Variants in PNOC observed in about 807,000 individuals in gnomAD.
PNOC encodes prepronociceptin, also known as nociceptin.
In PNOC, 10 loss-of-function variants were observed where a neutral mutation model predicts 15.6. The observed-to-expected ratio is 0.64, with a 90% CI of 0.40 to 1.09. The LOEUF (loss-of-function observed/expected upper bound fraction) is 1.09, where lower values mean the gene tolerates loss of function less well. Ranked by LOEUF, PNOC falls within the 50% of genes least tolerant of loss-of-function variation. PNOC has a pLI of 0.01. For missense variants in PNOC, 220 were observed against 223.9 expected, an observed-to-expected ratio of 0.98 and a Z score of 0.11; for synonymous variants, 98 against 88.5, an observed-to-expected ratio of 1.11 and a Z score of -0.60.
At chr8:28,339,542 C>T in intron 3 of PNOC, 51 bp downstream of exon 3, 1 of 1,362,764 alleles carries the variant, frequency 7.3e-7, no homozygotes, top group South Asian at 1.8e-5. Flanking sequence ...CACACACCAA[C>T]TGTCTTAGCC....
intron 1 of PNOC, among the ~76,000 whole-genome samples, chr8:28,319,566 C>A (rs1276333877): frequency 6.6e-6 from 1 of 152,180 alleles, no homozygotes; most frequent in Non-Finnish European, 1.5e-5. Context: ...CTGTGCCAGG[C>A]AGTGAGCTAA....
chr8:28,329,182 C>A lies in PNOC; in HGVS notation c.25C>A (p.Leu9Met), dbSNP rs1362113282. 6.2e-7 allele frequency: 1 copy of A among 1,613,974 alleles called. No individual in the cohort carries two copies. Among genetic ancestry groups the A allele is most frequent in the Non-Finnish European group, 8.5e-7 (1 of 1,180,032 alleles). ...CATGAAAGTCCTGCTTTGTGACCTG[C>A]TGCTGCTCAGTCTCTTCTCCAGTGT... MKVLLCDL[L>M]LLSLFSSVFS... The change falls in exon 2 of 4, where the codon CTG (leucine) becomes ATG (methionine). Residue 9 changes from leucine to methionine, a missense_variant. Physicochemically the swap from Leu to Met is conservative, Grantham distance 15 (BLOSUM62 2). Coordinates refer to ENST00000301908, the MANE Select transcript of PNOC (RefSeq NM_006228.5).
chr8:28,343,182 C>G lies in PNOC; in HGVS notation c.*288C>G, dbSNP rs1801554805. 6.0e-6 allele frequency: 1 copy of G among 167,978 alleles called. No homozygotes were observed. Among genetic ancestry groups the G allele is most frequent in the Non-Finnish European group, 1.2e-5 (1 of 81,998 alleles). The allele number at this position is 167,978 out of a possible 1,614,324, so 10.4% of individuals were successfully genotyped here. A position where few individuals can be genotyped will look rare whatever the true frequency, so the allele number is the denominator to read the frequency against. ...CTACCATTTCAATAGCCCCATCTCT[C>G]CTGCTCACCCGCCTCTTGCCCCTTC... On this transcript the variant is annotated 3_prime_UTR_variant, in exon 4 of 4. Coordinates refer to ENST00000301908, the MANE Select transcript of PNOC (RefSeq NM_006228.5).
intron 1 of PNOC, among the ~76,000 whole-genome samples, chr8:28,325,672 G>GAAAAA (rs558412916): frequency 5.5e-4 from 52 of 94,374 alleles, no homozygotes; most frequent in Non-Finnish European, 1.1e-3. Flanking sequence ...AAAAGAAAAA[G>GAAAAA]AAAAAAAAAA....
rs1801278039 is a variant in PNOC at position 28,329,061 on chromosome 8, T to C, written c.-23-74T>C. The C allele has an allele frequency of 8.4e-6, 12 of 1,435,538 alleles. 1 individual carries two copies. In the East Asian group the frequency reaches 9.1e-5, roughly 11 times the overall value. The allele number at this position is 1,435,538 out of a possible 1,614,324, so 88.9% of individuals were successfully genotyped here. A position where few individuals can be genotyped will look rare whatever the true frequency, so the allele number is the denominator to read the frequency against. Reference sequence around the variant, plus strand: ...AGAGAAGTGTCTTTCCTGCATTCTCTGGGTTAGGTCTCTGGCCCTGAGCAG... The same window carrying C: ...AGAGAAGTGTCTTTCCTGCATTCTCCGGGTTAGGTCTCTGGCCCTGAGCAG... On this transcript the variant is annotated intron_variant, in intron 1 of 3. Transcript: ENST00000301908.
chr8:28,323,568 C>T (rs145641361), intron 1 of PNOC, among the ~76,000 whole-genome samples: 83 of 152,268 alleles, frequency 5.5e-4, no homozygotes, highest in African/African-American at 2.0e-3. Context: ...TGTTATTATC[C>T]CCACTTTGTA....
chr8:28,339,249 G>C lies in PNOC; in HGVS notation c.336G>C (p.Glu112Asp). The stretch of plus-strand genomic sequence containing the variant: ...TGTTCCAGGAGCAGGAAGAGCCCGA[G>C]CCTGGCATGGAGGAGGCTGGTGAGA... ...RSLFQEQEEPEPGMEEAGEME... is the reference protein window; with the variant it reads ...RSLFQEQEEPDPGMEEAGEME... Residue 112 changes from glutamate (E) to aspartate (D), a missense_variant, in exon 3 of 4, where the codon GAG becomes GAC. Physicochemically the swap from Glu to Asp is conservative, Grantham distance 45. Transcript: ENST00000301908. 1 of 1,609,962 alleles carries C rather than the reference G, an allele frequency of 6.2e-7. No individual in the cohort carries two copies. The highest frequency in any genetic ancestry group is 1.1e-5 in the South Asian group (1 of 90,980).
chr8:28,318,281 G>A (rs939922284), intron 1 of PNOC, among the ~76,000 whole-genome samples: 4 of 152,118 alleles, frequency 2.6e-5, no homozygotes, highest in African/African-American at 9.7e-5. Flanking sequence ...GGATGATTCG[G>A]GAAATGGACT....
chr8:28,321,896 C>A (rs1363817570), intron 1 of PNOC, among the ~76,000 whole-genome samples: 1 of 152,180 alleles, frequency 6.6e-6, no homozygotes, highest in African/African-American at 2.4e-5. Flanking sequence ...GTAATTGTAT[C>A]AGCCAGAAGA....
intron 2 of PNOC, among the ~76,000 whole-genome samples, chr8:28,334,312 C>T (rs1185233286): frequency 3.3e-5 from 5 of 152,144 alleles, no homozygotes; most frequent in African/African-American, 9.7e-5. Context: ...CTTTAACCAC[C>T]GTGTTCTGTG....
At chr8:28,335,498 T>G (rs868514609) in intron 2 of PNOC, among the ~76,000 whole-genome samples, 13 of 152,222 alleles carry the variant, frequency 8.5e-5, no homozygotes, top group Non-Finnish European at 5.9e-5. Flanking sequence ...CTGCTTCTAT[T>G]CTTCAGAGAT....
intron 3 of PNOC, 38 bp downstream of exon 3, chr8:28,339,529 C>A: frequency 2.8e-6 from 4 of 1,429,604 alleles, no homozygotes; most frequent in Non-Finnish European, 3.7e-6. Flanking sequence ...CAAGGAGAGA[C>A]CTCACACACC....
intron 3 of PNOC, among the ~76,000 whole-genome samples, chr8:28,342,666 G>C (rs1248918587): frequency 1.3e-5 from 2 of 152,206 alleles, no homozygotes; most frequent in Non-Finnish European, 2.9e-5. Flanking sequence ...CCGAATACCA[G>C]CAAGAACTGT....
At chr8:28,332,828 G>A (rs1370096274) in intron 2 of PNOC, among the ~76,000 whole-genome samples, 2 of 152,176 alleles carry the variant, frequency 1.3e-5, no homozygotes, top group Admixed American at 1.3e-4. Flanking sequence ...ATGCATGCCT[G>A]TAATCCCAGC....
intron 2 of PNOC, among the ~76,000 whole-genome samples, chr8:28,331,221 G>A (rs770554317): frequency 1.3e-5 from 2 of 152,178 alleles, no homozygotes; most frequent in Non-Finnish European, 2.9e-5. Flanking sequence ...AATTTCCCAT[G>A]TTATTAACAT....
At chr8:28,334,344 C>A (rs1801377433) in intron 2 of PNOC, among the ~76,000 whole-genome samples, 2 of 152,194 alleles carry the variant, frequency 1.3e-5, no homozygotes, top group Non-Finnish European at 2.9e-5. Context: ...CTCCTCAGAG[C>A]AAGTTCCAAA....
rs145874580 is a variant in PNOC at position 28,323,350 on chromosome 8, C to T, written c.-23-5785C>T. 2.3e-3 allele frequency among the ~76,000 whole-genome samples: 350 copies of T among 152,200 alleles called. 3 individuals carry two copies. The highest frequency in any genetic ancestry group is 7.8e-3 in the African/African-American group (324 of 41,520). ...AGAAGTATTAGCTGAGCTTGGCTCACGAAGTGAAATACAAGCCATGGAAAA... is the reference window on the plus strand; with the variant it reads ...AGAAGTATTAGCTGAGCTTGGCTCATGAAGTGAAATACAAGCCATGGAAAA... On this transcript the variant is annotated intron_variant, in intron 1 of 3. Transcript: ENST00000301908.
intron 2 of PNOC, among the ~76,000 whole-genome samples, chr8:28,331,832 C>G (rs2614111): frequency 0.33 from 49,777 of 152,130 alleles, 10,000 homozygotes; most frequent in Non-Finnish European, 0.46. Context: ...ATGGAGTGAG[C>G]TTTCTTTACT....
intron 1 of PNOC, among the ~76,000 whole-genome samples, chr8:28,319,669 A>C (rs1181108604): frequency 6.6e-6 from 1 of 152,184 alleles, no homozygotes; most frequent in South Asian, 2.1e-4. Context: ...CTCTACTTGC[A>C]CTGACACGGT....
Sources: gnomAD v4.1 joint callset for allele counts (sites outside exome capture counted in the v4.1 genomes callset) on GRCh38, gnomAD v4.1.1 for gene constraint, MANE v1.5 for transcripts, NCBI Gene and HGNC (gene_info 2026-07-23, HGNC 2026-07-21) for gene names.